Variants in CSMD1 observed in about 807,000 individuals in gnomAD.
The protein encoded by CSMD1 is CUB and sushi domain-containing protein 1.
Under a neutral mutation model 417.5 loss-of-function variants are expected in CSMD1, and 213 were observed. That is an observed-to-expected ratio of 0.51 (90% CI 0.46 to 0.57). CSMD1 has a LOEUF of 0.57. Among genes scored for constraint, CSMD1 ranks in the 20% least tolerant of loss-of-function variants. CSMD1 has a pLI of 0.00. For synonymous variants in CSMD1, 2,862 were observed against 1,736.8 expected (o/e 1.65, Z -16.11); for missense variants, 6,923 against 4,529.7 (o/e 1.53, Z -15.17).
At chr8:4,131,564 C>G (rs554993704) in intron 3 of CSMD1, among the ~76,000 whole-genome samples, 2 of 152,128 alleles carry the variant, frequency 1.3e-5, no homozygotes, top group African/African-American at 4.8e-5. Flanking sequence ...AAATATTTTT[C>G]TCATATATTG....
intron 12 of CSMD1, among the ~76,000 whole-genome samples, chr8:3,430,066 T>C (rs1814120420): frequency 6.6e-6 from 1 of 152,196 alleles, no homozygotes; most frequent in Non-Finnish European, 1.5e-5. Flanking sequence ...CAAGTATGTA[T>C]ATATACACAC....
intron 3 of CSMD1, among the ~76,000 whole-genome samples, chr8:4,411,264 A>G (rs150874855): frequency 9.4e-4 from 143 of 152,292 alleles, no homozygotes; most frequent in South Asian, 2.5e-3. Context: ...TGATTATGAA[A>G]TGGGCTCTAT....
intron 5 of CSMD1, among the ~76,000 whole-genome samples, chr8:3,869,399 C>A (rs1805326157): frequency 6.6e-6 from 1 of 152,098 alleles, no homozygotes; most frequent in African/African-American, 2.4e-5. Flanking sequence ...ATGAAATTGA[C>A]TTATTTTGTT....
At chr8:4,250,974 T>G (rs990073916) in intron 3 of CSMD1, among the ~76,000 whole-genome samples, 4 of 152,164 alleles carry the variant, frequency 2.6e-5, no homozygotes, top group Non-Finnish European at 4.4e-5. Context: ...ACTAGGTGAA[T>G]TGATTAGACA....
chr8:4,735,789 G>A (rs951701405), intron 1 of CSMD1, among the ~76,000 whole-genome samples: 1 of 152,052 alleles, frequency 6.6e-6, no homozygotes, highest in African/African-American at 2.4e-5. Flanking sequence ...AATTTTAGAG[G>A]AATTTTTCCA....
At chr8:4,294,065 C>T (rs1047885945) in intron 3 of CSMD1, among the ~76,000 whole-genome samples, 1 of 152,128 alleles carries the variant, frequency 6.6e-6, no homozygotes, top group African/African-American at 2.4e-5. Context: ...GACTATTGCA[C>T]CGAAATACTG....
intron 3 of CSMD1, among the ~76,000 whole-genome samples, chr8:4,263,408 A>T (rs1215876196): frequency 6.6e-6 from 1 of 152,214 alleles, no homozygotes; most frequent in African/African-American, 2.4e-5. Flanking sequence ...TTTCTATTAC[A>T]TTCAGGTAAA....
chr8:4,582,806 C>A (rs1290474852), intron 2 of CSMD1, among the ~76,000 whole-genome samples: 1 of 152,236 alleles, frequency 6.6e-6, no homozygotes, highest in East Asian at 1.9e-4. Flanking sequence ...CCCACTCCCT[C>A]AGCTTGCGGG....
chr8:4,073,230 A>G (rs1799650304), intron 3 of CSMD1, among the ~76,000 whole-genome samples: 1 of 152,188 alleles, frequency 6.6e-6, no homozygotes, highest in African/African-American at 2.4e-5. Flanking sequence ...AATAAAAAGC[A>G]ATAGGTGCAT....
chr8:4,293,615 C>T (rs1797499632), intron 3 of CSMD1, among the ~76,000 whole-genome samples: 1 of 152,142 alleles, frequency 6.6e-6, no homozygotes, highest in Admixed American at 6.5e-5. Context: ...AGCAATACTG[C>T]AATCGTGTAT....
intron 5 of CSMD1, among the ~76,000 whole-genome samples, chr8:3,784,948 G>A (rs542208326): frequency 2.6e-5 from 4 of 152,110 alleles, no homozygotes; most frequent in East Asian, 3.9e-4. Flanking sequence ...AAAATATACT[G>A]CTGTAGAATT....
At chr8:3,463,670 T>A (rs1816642390) in intron 12 of CSMD1, among the ~76,000 whole-genome samples, 5 of 152,210 alleles carry the variant, frequency 3.3e-5, no homozygotes, top group Admixed American at 3.3e-4. Context: ...ACTTGGACGC[T>A]GTTCAATGTG....
chr8:3,824,501 A>T (rs7830364), intron 5 of CSMD1, among the ~76,000 whole-genome samples: 2 of 152,146 alleles, frequency 1.3e-5, no homozygotes, highest in Non-Finnish European at 2.9e-5. Context: ...CACTAGCCAT[A>T]AGCAGCCACG....
intron 3 of CSMD1, among the ~76,000 whole-genome samples, chr8:4,061,564 T>C (rs1458579110): frequency 6.6e-6 from 1 of 152,176 alleles, no homozygotes; most frequent in Non-Finnish European, 1.5e-5. Context: ...ATAACCCTCA[T>C]GCTCTTGACT....
chr8:4,455,495 G>T (rs777941368), intron 2 of CSMD1, among the ~76,000 whole-genome samples: 3 of 152,112 alleles, frequency 2.0e-5, no homozygotes, highest in Non-Finnish European at 4.4e-5. Flanking sequence ...AGAGGAAGCT[G>T]GTTTCCATTT....
At chr8:3,779,690 T>C (rs1450525914) in intron 5 of CSMD1, among the ~76,000 whole-genome samples, 2 of 152,152 alleles carry the variant, frequency 1.3e-5, no homozygotes, top group East Asian at 1.9e-4. Context: ...GAAAACCAGA[T>C]ACAACACTAT....
chr8:4,426,072 T>G (rs925899737), intron 2 of CSMD1, among the ~76,000 whole-genome samples: 1 of 147,216 alleles, frequency 6.8e-6, no homozygotes, highest in Non-Finnish European at 1.5e-5. Context: ...TGGCCATAAA[T>G]AAAAGGAATT....
intron 5 of CSMD1, among the ~76,000 whole-genome samples, chr8:3,873,841 G>C (rs1805642280): frequency 6.6e-6 from 1 of 152,166 alleles, no homozygotes; most frequent in Non-Finnish European, 1.5e-5. Context: ...GTAGTTTCTG[G>C]ATGTTAGGAA....
intron 3 of CSMD1, among the ~76,000 whole-genome samples, chr8:4,409,126 T>C (rs576418405): frequency 2.6e-5 from 4 of 152,222 alleles, no homozygotes; most frequent in Admixed American, 6.5e-5. Context: ...GGCTATAAAT[T>C]ATATTTAATG....
Sources: allele counts gnomAD v4.1 joint callset (sites outside exome capture counted in the v4.1 genomes callset), GRCh38; gene constraint gnomAD v4.1.1; transcripts MANE v1.5; gene names NCBI Gene and HGNC (gene_info 2026-07-23, HGNC 2026-07-21).